GLIS3: variants seen among roughly 807,000 people sequenced by gnomAD.
GLIS3 encodes GLIS family zinc finger 3.
In GLIS3, 53 loss-of-function variants were observed where a neutral mutation model predicts 78.6. The observed-to-expected ratio is 0.67, with a 90% CI of 0.54 to 0.85. GLIS3 has a LOEUF of 0.85. Ranked by LOEUF, GLIS3 falls within the 40% of genes least tolerant of loss-of-function variation. GLIS3 has a pLI of 0.00. For synonymous variants in GLIS3, 684 were observed against 509.9 expected (o/e 1.34, Z -4.60); for missense variants, 1,703 against 1,231.1 (o/e 1.38, Z -5.74).
the GLIS3 span, among the ~76,000 whole-genome samples, chr9:4,475,565 C>T: frequency 1.3e-5 from 2 of 152,010 alleles, no homozygotes; most frequent in African/African-American, 4.8e-5. Flanking sequence ...TGCAGCAGTG[C>T]AAAGGAATCA....
At chr9:4,195,588 C>A (rs1354997485) in intron 2 of GLIS3, among the ~76,000 whole-genome samples, 1 of 152,266 alleles carries the variant, frequency 6.6e-6, no homozygotes, top group African/African-American at 2.4e-5. Context: ...CCTCCACGGG[C>A]TCCCACGCGG....
At position 4,133,245 on chromosome 9, in the gene GLIS3, T is replaced by C. The variant is rs141151377; in HGVS notation, c.389-7304A>G. Among the ~76,000 whole-genome samples the C allele has an allele frequency of 8.5e-5, 13 of 152,306 alleles. No individual in the cohort carries two copies. In the East Asian group the frequency reaches 1.3e-3, roughly 16 times the overall value. ...TAAATATATAACCATAATATAATCA[T>C]TGAATTCAAGACACTTAGCAATGAT... On this transcript the variant is annotated intron_variant, in intron 2 of 10. Transcript: ENST00000381971.
intron 4 of GLIS3, among the ~76,000 whole-genome samples, chr9:4,075,025 A>G (rs1827926134): frequency 6.6e-6 from 1 of 152,142 alleles, no homozygotes. Flanking sequence ...TACTCACCAA[A>G]TAAGTAGCTA....
At chr9:4,113,254 G>A (rs185685742) in intron 4 of GLIS3, among the ~76,000 whole-genome samples, 10 of 151,948 alleles carry the variant, frequency 6.6e-5, no homozygotes, top group Admixed American at 6.6e-4. Flanking sequence ...CTTATCTATG[G>A]ACAGTTACGT....
At chr9:3,861,293 A>AT (rs964974058) in intron 8 of GLIS3, among the ~76,000 whole-genome samples, 90 of 152,254 alleles carry the variant, frequency 5.9e-4, no homozygotes, top group African/African-American at 2.1e-3. Flanking sequence ...AAAGTGAGGC[A>AT]TTTTTTATAT....
At chr9:4,144,289 A>G (rs1005704304) in intron 2 of GLIS3, among the ~76,000 whole-genome samples, 15 of 152,238 alleles carry the variant, frequency 9.9e-5, no homozygotes, top group African/African-American at 3.4e-4. Context: ...TTTGACACGT[A>G]GCCTTGAAAA....
intron 2 of GLIS3, among the ~76,000 whole-genome samples, chr9:4,144,235 A>G (rs1564112814): frequency 6.6e-6 from 1 of 151,284 alleles, no homozygotes; most frequent in Non-Finnish European, 1.5e-5. Flanking sequence ...AGTCCGAAAG[A>G]GATCTGAAAA....
At chr9:4,019,683 C>T (rs550556436) in intron 4 of GLIS3, among the ~76,000 whole-genome samples, 8 of 151,990 alleles carry the variant, frequency 5.3e-5, no homozygotes, top group Admixed American at 1.3e-4. Flanking sequence ...TAAGGGAGAT[C>T]GACAATGTGA....
At chr9:4,341,711 A>C (rs1448929986) in intron 2 of GLIS3, among the ~76,000 whole-genome samples, 1 of 152,130 alleles carries the variant, frequency 6.6e-6, no homozygotes, top group East Asian at 1.9e-4. Context: ...GTGCCCAGGT[A>C]CTCTGCCTTC....
At chr9:3,911,030 T>G (rs1824106455) in intron 6 of GLIS3, among the ~76,000 whole-genome samples, 1 of 152,224 alleles carries the variant, frequency 6.6e-6, no homozygotes, top group Non-Finnish European at 1.5e-5. Flanking sequence ...TATCCCTTAT[T>G]CTAGACTTTC....
chr9:3,929,472 T>C (rs545017958), intron 6 of GLIS3, among the ~76,000 whole-genome samples: 4 of 152,170 alleles, frequency 2.6e-5, no homozygotes, highest in East Asian at 1.9e-4. Flanking sequence ...GCATCACTTA[T>C]GAGATCCCGA....
intron 5 of GLIS3, among the ~76,000 whole-genome samples, chr9:3,934,310 G>A (rs953985108): frequency 1.3e-5 from 2 of 152,056 alleles, no homozygotes; most frequent in Non-Finnish European, 2.9e-5. Flanking sequence ...GATGTTACAT[G>A]TACAAAAAGC....
At chr9:3,914,882 T>C (rs1824395403) in intron 6 of GLIS3, among the ~76,000 whole-genome samples, 1 of 152,232 alleles carries the variant, frequency 6.6e-6, no homozygotes, top group Admixed American at 6.5e-5. Context: ...CCCCAAAGTC[T>C]TCTTCCCCTG....
intron 2 of GLIS3, among the ~76,000 whole-genome samples, chr9:4,281,720 A>G (rs1419459397): frequency 1.3e-5 from 2 of 152,348 alleles, no homozygotes; most frequent in East Asian, 1.9e-4. Context: ...CATGGGTGTC[A>G]AAAGTACTTG....
chr9:4,125,376 A>T (rs969749639), intron 3 of GLIS3, among the ~76,000 whole-genome samples: 1 of 152,152 alleles, frequency 6.6e-6, no homozygotes. Context: ...GGCAGGTAAG[A>T]TAGGTGTACA....
rs545235382 is a variant in GLIS3, at chr9:3,866,801, C to A, written c.2298-10617G>T. On this transcript the variant is annotated intron_variant, in intron 8 of 10. Transcript: ENST00000381971. ...AGTATTAACCAGGGAGAGGTGTGAACATATATTCCATTTACATCTTAAAGG... is the reference window on the plus strand; with the variant it reads ...AGTATTAACCAGGGAGAGGTGTGAAAATATATTCCATTTACATCTTAAAGG... 2.1e-3 allele frequency among the ~76,000 whole-genome samples: 316 copies of A among 152,258 alleles called. 1 individual carries two copies. Among genetic ancestry groups the A allele is most frequent in the Non-Finnish European group, 2.8e-3 (188 of 68,018 alleles).
At chr9:4,164,976 T>C (rs1835767216) in intron 2 of GLIS3, among the ~76,000 whole-genome samples, 1 of 152,160 alleles carries the variant, frequency 6.6e-6, no homozygotes, top group Admixed American at 6.5e-5. Flanking sequence ...TTGGTTTCCT[T>C]TTTAAGGTAT....
rs886063953 is a variant in GLIS3 at position 3,898,709 on chromosome 9, C to T, written c.2110G>A (p.Gly704Arg). Residue 704 changes from glycine to arginine, a missense_variant, in exon 7 of 11, where the codon GGG becomes AGG. Physicochemically the swap from Gly to Arg is moderately radical, Grantham distance 125. Transcript: ENST00000381971. ...EGTVGRSPGP[G>R]PDLYSAPIFS... Reference sequence around the variant, plus strand: ...TCTTTACCTGAATAGAGGTCAGGCCCGGGTCCAGGGGAGCGTCCCACGGTC... The same window carrying T: ...TCTTTACCTGAATAGAGGTCAGGCCTGGGTCCAGGGGAGCGTCCCACGGTC... 32 of 1,613,984 alleles carry T rather than the reference C, an allele frequency of 2.0e-5. No individual in the cohort carries two copies. The highest frequency in any genetic ancestry group is 2.5e-5 in the Non-Finnish European group (29 of 1,180,022).
intron 4 of GLIS3, among the ~76,000 whole-genome samples, chr9:3,967,787 C>A (rs932873702): frequency 6.6e-6 from 1 of 152,104 alleles, no homozygotes; most frequent in African/African-American, 2.4e-5. Context: ...TAAGGAAAAT[C>A]ATATATGTGT....
Sources: gnomAD v4.1 joint callset for allele counts (sites outside exome capture counted in the v4.1 genomes callset) on GRCh38, gnomAD v4.1.1 for gene constraint, MANE v1.5 for transcripts, NCBI Gene and HGNC (gene_info 2026-07-23, HGNC 2026-07-21) for gene names.